The following MAP2K3 variants were observed in gnomAD, a reference collection of about 807,000 sequenced individuals.
MAP2K3 encodes dual specificity mitogen-activated protein kinase kinase 3.
MAP2K3 carries 30 observed loss-of-function variants against 46.4 expected under a neutral mutation model. That is an observed-to-expected ratio of 0.65 (90% confidence interval 0.48 to 0.88). The LOEUF (loss-of-function observed/expected upper bound fraction) is 0.88, where lower values mean the gene tolerates loss of function less well. MAP2K3 is among the 40% of genes least tolerant of loss of function. MAP2K3 has a pLI of 0.00. For missense variants in MAP2K3, 380 were observed against 464.5 expected (o/e 0.82, Z 1.67); for synonymous variants, 189 against 176.3 (o/e 1.07, Z -0.57).
chr17:21,310,237 G>A (rs1158481995), intron 9 of MAP2K3, among the ~76,000 whole-genome samples: 1 of 151,770 alleles, frequency 6.6e-6, no homozygotes, highest in Admixed American at 6.6e-5. Flanking sequence ...TCGAACCCCC[G>A]ACCTCAAGTG....
chr17:21,285,027 G>A, intron 1 of MAP2K3, 58 bp downstream of exon 1: 1 of 1,567,138 alleles, frequency 6.4e-7, no homozygotes, highest in Non-Finnish European at 8.7e-7. Flanking sequence ...GGGCCGGGCT[G>A]CAAACCCCGA....
intron 1 of MAP2K3, chr17:21,295,796 G>T (rs1460320983): frequency 9.0e-6 from 11 of 1,227,382 alleles, no homozygotes; most frequent in South Asian, 8.8e-5. Flanking sequence ...TTGGTGAAGG[G>T]GGGGCCACAT....
At chr17:21,311,022 C>T (rs1158621696) in intron 9 of MAP2K3, among the ~76,000 whole-genome samples, 2 of 152,184 alleles carry the variant, frequency 1.3e-5, no homozygotes, top group Non-Finnish European at 1.5e-5. Context: ...CCCCCCAAAT[C>T]GGTACGGTTT....
chr17:21,284,771 TCGCCGCAGTCGCCGCCGCCGCCGCCGC>T lies in MAP2K3; in HGVS notation c.-143_-117del. ...CTTGCTGCAGTCGCCGCCGCAGTCC[TCGCCGCAGTCGCCGCCGCCGCCGCCGC>T]CGCCGCCGCTGCTCCTCCGCCTGGC... On this transcript the variant is annotated 5_prime_UTR_variant, in exon 1 of 12. Transcript: ENST00000342679. 1 of 811,406 alleles carries T rather than the reference TCGCCGCAGTCGCCGCCGCCGCCGCCGC, an allele frequency of 1.2e-6. No individual in the cohort carries two copies. The allele number at this position is 811,406 out of a possible 1,614,324, so 50.3% of individuals were successfully genotyped here.
intron 1 of MAP2K3, among the ~76,000 whole-genome samples, chr17:21,293,944 C>A (rs1976091598): frequency 6.6e-6 from 1 of 152,306 alleles, no homozygotes. Flanking sequence ...GCATGGCCAC[C>A]CCCTGCTGCC....
At position 21,284,717 on chromosome 17, in the gene MAP2K3, T is replaced by C. The variant is rs993981748; in HGVS notation, c.-204T>C. The C allele has an allele frequency of 1.2e-5, 6 of 498,436 alleles. No homozygotes were observed. The highest frequency in any genetic ancestry group is 2.1e-5 in the Non-Finnish European group (6 of 290,074). The allele number at this position is 498,436 out of a possible 1,614,324, so 30.9% of individuals were successfully genotyped here. Reference sequence around the variant, plus strand: ...GGTCTCCCCGGCGCTGCCCAGTCTGTCTCCGGCGCCGCCCGTCGCGGACTC... The same window carrying C: ...GGTCTCCCCGGCGCTGCCCAGTCTGCCTCCGGCGCCGCCCGTCGCGGACTC... On this transcript the variant is annotated 5_prime_UTR_variant, in exon 1 of 12. Transcript: ENST00000342679.
chr17:21,311,255 T>C (rs927839721), intron 9 of MAP2K3, among the ~76,000 whole-genome samples: 4 of 152,222 alleles, frequency 2.6e-5, no homozygotes, highest in African/African-American at 7.2e-5. Flanking sequence ...GCCCTTGTGC[T>C]GGAGCCTCGG....
chr17:21,285,481 T>A (rs1043173870), intron 1 of MAP2K3, among the ~76,000 whole-genome samples: 1 of 152,106 alleles, frequency 6.6e-6, no homozygotes, highest in Non-Finnish European at 1.5e-5. Context: ...CTGTACCCCC[T>A]ATGCGGGTGC....
intron 1 of MAP2K3, chr17:21,296,302 AC>A: frequency 1.2e-6 from 1 of 825,268 alleles, no homozygotes; most frequent in Non-Finnish European, 1.7e-6. Flanking sequence ...GCTGGAGTTT[AC>A]CACGGCTGCG....
rs1315356414 is a variant in MAP2K3 at position 21,314,982 on chromosome 17, C to A, written c.*752C>A. On this transcript the variant is annotated 3_prime_UTR_variant, in exon 12 of 12. Transcript: ENST00000342679. ...CCCCTAGGGTACCAGCAGGCAGAGCCTTGCCCTCTGCTCAGGCTGGGGTCC... is the reference window on the plus strand; with the variant it reads ...CCCCTAGGGTACCAGCAGGCAGAGCATTGCCCTCTGCTCAGGCTGGGGTCC... 1 of 152,718 alleles carries A rather than the reference C, an allele frequency of 6.5e-6. No homozygotes were observed. Among genetic ancestry groups the A allele is most frequent in the East Asian group, 1.9e-4 (1 of 5,194 alleles). The allele number at this position is 152,718 out of a possible 1,614,324, so 9.5% of individuals were successfully genotyped here. A position where few individuals can be genotyped will look rare whatever the true frequency, so the allele number is the denominator to read the frequency against.
At chr17:21,313,054 G>T (rs960234288) in intron 10 of MAP2K3, among the ~76,000 whole-genome samples, 1 of 152,162 alleles carries the variant, frequency 6.6e-6, no homozygotes, top group Non-Finnish European at 1.5e-5. Flanking sequence ...CATGGTCCCC[G>T]CACTTTTATT....
chr17:21,302,889 C>T (rs1205718374), intron 6 of MAP2K3, among the ~76,000 whole-genome samples: 2 of 152,310 alleles, frequency 1.3e-5, no homozygotes, highest in Non-Finnish European at 2.9e-5. Flanking sequence ...AGGGAGGCTG[C>T]CAAGAGCTGG....
rs1597506205 is a variant in MAP2K3 at position 21,312,064 on chromosome 17, G to A, written c.775-78G>A. On this transcript the variant is annotated intron_variant, in intron 9 of 11. Coordinates refer to ENST00000342679, the MANE Select transcript of MAP2K3 (RefSeq NM_145109.3). The stretch of plus-strand genomic sequence containing the variant: ...GGCTCTGGTACCAGGATGGGTGGGA[G>A]CCCCCAACCCTCGCTCCTGGGTGCA... 1.1e-5 allele frequency: 15 copies of A among 1,370,038 alleles called. No individual in the cohort carries two copies. The East Asian group carries it at 3.9e-4, about 36-fold the overall frequency. 84.9% of individuals were successfully genotyped at this position (1,370,038 alleles called of 1,614,324 possible). A position where few individuals can be genotyped will look rare whatever the true frequency, so the allele number is the denominator to read the frequency against.
chr17:21,307,384 G>A (rs1976942574), intron 9 of MAP2K3, among the ~76,000 whole-genome samples: 1 of 152,248 alleles, frequency 6.6e-6, no homozygotes, highest in Non-Finnish European at 1.5e-5. Context: ...GAGCAGGTAG[G>A]GGTGGCTCTG....
At position 21,298,479 on chromosome 17, in the gene MAP2K3, C is replaced by G. The variant is rs77066538; in HGVS notation, c.116C>G (p.Thr39Arg). ...CMSKPPAPNP[T>R]PPRNLDSRTF... Reference sequence around the variant, plus strand: ...TCCAAGCCACCCGCACCCAACCCCACGTGAGTCTGCCTCAGTTTCTCCCTG... The same window carrying G: ...TCCAAGCCACCCGCACCCAACCCCAGGTGAGTCTGCCTCAGTTTCTCCCTG... The change falls in exon 2 of 12, where the codon ACA (threonine) becomes AGA (arginine). Residue 39 changes from threonine to arginine, a missense_variant and splice_region_variant. Around this residue, in one of 5 missense-constraint regions of MAP2K3, gnomAD observed 294 missense variants for 275.4 expected, o/e 1.07. Transcript: ENST00000342679. 2.2e-5 allele frequency: 36 copies of G among 1,614,146 alleles called. No individual in the cohort carries two copies. The Admixed American group carries it at 2.3e-4, about 10-fold the overall frequency.
At chr17:21,309,535 T>TTA (rs370515231) in intron 9 of MAP2K3, among the ~76,000 whole-genome samples, 4 of 148,374 alleles carry the variant, frequency 2.7e-5, no homozygotes, top group African/African-American at 7.4e-5. Context: ...GTGCATTATA[T>TTA]TATATATATA....
intron 5 of MAP2K3, 26 bp from the exon 6 acceptor site, chr17:21,302,117 G>A: frequency 1.2e-6 from 2 of 1,613,134 alleles, no homozygotes; most frequent in South Asian, 1.1e-5. Flanking sequence ...CCGGCAGCCT[G>A]GCTGAGCTCT....
At chr17:21,304,971 G>A (rs936002788) in intron 8 of MAP2K3, 80 bp from the exon 9 acceptor site, 5 of 1,535,644 alleles carry the variant, frequency 3.3e-6, no homozygotes, top group Admixed American at 3.3e-5. Context: ...TGAGCGCTCA[G>A]TTTGGGGATT....
intron 1 of MAP2K3, chr17:21,285,235 C>T: frequency 7.1e-6 from 7 of 985,302 alleles, no homozygotes; most frequent in Non-Finnish European, 8.4e-6. Flanking sequence ...CTCACCCCAT[C>T]CAAGTCAGGA....
Sources: allele counts gnomAD v4.1 joint callset (sites outside exome capture counted in the v4.1 genomes callset), GRCh38; gene constraint gnomAD v4.1.1; regional missense constraint gnomAD v4.1.1; transcripts MANE v1.5; gene names NCBI Gene and HGNC (gene_info 2026-07-23, HGNC 2026-07-21).